Variants in CTNND2 observed in about 807,000 individuals in gnomAD.
CTNND2 encodes the protein catenin delta 2, also known as catenin delta-2.
CTNND2 carries 22 observed loss-of-function variants against 144.4 expected under a neutral mutation model. That is an observed-to-expected ratio of 0.15 (90% CI 0.11 to 0.22). CTNND2 has a LOEUF of 0.22. CTNND2 is among the 10% of genes least tolerant of loss of function. CTNND2 has a pLI of 1.00. For synonymous variants in CTNND2, 751 were observed against 695.6 expected (o/e 1.08, Z -1.25); for missense variants, 1,353 against 1,618.8 (o/e 0.84, Z 2.82).
intron 11 of CTNND2, among the ~76,000 whole-genome samples, chr5:11,171,130 T>C (rs1486283536): frequency 6.6e-6 from 1 of 152,198 alleles, no homozygotes; most frequent in Non-Finnish European, 1.5e-5. Context: ...TCTATCATAA[T>C]AATGTCACTG....
chr5:11,131,896 A>G (rs961473902), intron 12 of CTNND2, among the ~76,000 whole-genome samples: 2 of 152,212 alleles, frequency 1.3e-5, no homozygotes, highest in Non-Finnish European at 2.9e-5. Flanking sequence ...ATTTTAACAA[A>G]TCGTACTTCA....
intron 12 of CTNND2, among the ~76,000 whole-genome samples, chr5:11,145,141 ATATATAT>A (rs1341210279): frequency 6.6e-6 from 1 of 152,120 alleles, no homozygotes; most frequent in Non-Finnish European, 1.5e-5. Context: ...TTATAATAAA[ATATATAT>A]TATATAAAAT....
intron 2 of CTNND2, among the ~76,000 whole-genome samples, chr5:11,636,524 A>G (rs1348612040): frequency 1.3e-5 from 2 of 152,206 alleles, no homozygotes; most frequent in African/African-American, 4.8e-5. Context: ...TACACTAACA[A>G]CAAGGAAGTT....
At chr5:11,087,864 C>A (rs1224353575) in intron 15 of CTNND2, among the ~76,000 whole-genome samples, 4 of 152,044 alleles carry the variant, frequency 2.6e-5, no homozygotes, top group African/African-American at 9.7e-5. Context: ...AATGTACAGG[C>A]AAGATAATTT....
At chr5:11,293,250 C>A (rs1748554080) in intron 9 of CTNND2, among the ~76,000 whole-genome samples, 1 of 152,144 alleles carries the variant, frequency 6.6e-6, no homozygotes, top group South Asian at 2.1e-4. Context: ...TCTCCTGATA[C>A]ATTTCCAAGC....
intron 1 of CTNND2, among the ~76,000 whole-genome samples, chr5:11,752,064 T>C (rs2126787451): frequency 6.6e-6 from 1 of 152,024 alleles, no homozygotes; most frequent in South Asian, 2.1e-4. Context: ...GGGTTGTTTT[T>C]TGCTTGCTAC....
At chr5:11,607,834 C>T (rs1274258888) in intron 2 of CTNND2, among the ~76,000 whole-genome samples, 1 of 152,138 alleles carries the variant, frequency 6.6e-6, no homozygotes, top group Non-Finnish European at 1.5e-5. Context: ...AAAAGGACCA[C>T]ACCTTCTGCT....
intron 9 of CTNND2, among the ~76,000 whole-genome samples, chr5:11,262,557 T>C (rs1426719885): frequency 6.6e-6 from 1 of 151,536 alleles, no homozygotes; most frequent in African/African-American, 2.4e-5. Context: ...GGTCAGGAGA[T>C]CAAGACCATC....
chr5:11,389,834 C>T (rs945835665), intron 6 of CTNND2, among the ~76,000 whole-genome samples: 3 of 131,486 alleles, frequency 2.3e-5, no homozygotes, highest in African/African-American at 7.4e-5. Context: ...CACCTGACAC[C>T]TTTGCTTTCT....
At chr5:11,379,483 G>T (rs1640523640) in intron 7 of CTNND2, among the ~76,000 whole-genome samples, 1 of 151,884 alleles carries the variant, frequency 6.6e-6, no homozygotes, top group South Asian at 2.1e-4. Context: ...GTAGAATGGG[G>T]GTAAAAATCA....
At chr5:11,250,848 G>A (rs1235962360) in intron 9 of CTNND2, among the ~76,000 whole-genome samples, 1 of 152,066 alleles carries the variant, frequency 6.6e-6, no homozygotes, top group African/African-American at 2.4e-5. Flanking sequence ...ATGAGGTAGA[G>A]GGGTACACAG....
At chr5:11,496,732 C>T (rs1484362837) in intron 3 of CTNND2, among the ~76,000 whole-genome samples, 1 of 152,196 alleles carries the variant, frequency 6.6e-6, no homozygotes, top group Non-Finnish European at 1.5e-5. Context: ...TAAAGCCCTA[C>T]ACTCAGTCAG....
intron 3 of CTNND2, among the ~76,000 whole-genome samples, chr5:11,437,687 T>C (rs1054839693): frequency 2.6e-5 from 4 of 152,172 alleles, no homozygotes; most frequent in African/African-American, 4.8e-5. Flanking sequence ...TATTCTGAAA[T>C]GCCTGGAGCA....
intron 2 of CTNND2, among the ~76,000 whole-genome samples, chr5:11,706,434 T>TG (rs1348397870): frequency 6.6e-6 from 1 of 152,132 alleles, no homozygotes; most frequent in Non-Finnish European, 1.5e-5. Flanking sequence ...TCAAGTTTAT[T>TG]GGGGGAAATC....
At chr5:11,154,614 C>T (rs972322348) in intron 12 of CTNND2, among the ~76,000 whole-genome samples, 1 of 152,148 alleles carries the variant, frequency 6.6e-6, no homozygotes, top group Non-Finnish European at 1.5e-5. Flanking sequence ...AGCTTAGCAG[C>T]CCCTCTCTTA....
At chr5:11,432,753 T>C (rs935136430) in intron 3 of CTNND2, among the ~76,000 whole-genome samples, 4 of 152,184 alleles carry the variant, frequency 2.6e-5, no homozygotes, top group Admixed American at 2.0e-4. Flanking sequence ...TTTGGATTCA[T>C]TACTATAACT....
intron 16 of CTNND2, among the ~76,000 whole-genome samples, chr5:11,065,658 T>C (rs1000186085): frequency 6.6e-6 from 1 of 152,228 alleles, no homozygotes; most frequent in Non-Finnish European, 1.5e-5. Context: ...TCTAAAGGAT[T>C]TGGGGAGTCA....
chr5:11,873,374 C>T (rs1193816429), intron 1 of CTNND2, among the ~76,000 whole-genome samples: 3 of 152,166 alleles, frequency 2.0e-5, no homozygotes, highest in Non-Finnish European at 4.4e-5. Flanking sequence ...TCAAATAAGG[C>T]AGCATGCAGA....
At chr5:11,113,314 C>A (rs532882801) in intron 13 of CTNND2, among the ~76,000 whole-genome samples, 1 of 152,094 alleles carries the variant, frequency 6.6e-6, no homozygotes, top group Non-Finnish European at 1.5e-5. Flanking sequence ...AGCAAACTGC[C>A]GCCCAGGGGT....
Sources: gnomAD v4.1 joint callset for allele counts (sites outside exome capture counted in the v4.1 genomes callset) on GRCh38, gnomAD v4.1.1 for gene constraint, MANE v1.5 for transcripts, NCBI Gene and HGNC (gene_info 2026-07-23, HGNC 2026-07-21) for gene names.